Variants in RHPN2 observed in about 807,000 individuals in gnomAD.
RHPN2 encodes the protein rhophilin Rho GTPase binding protein 2, also known as rhophilin-2.
A neutral mutation model predicts 79.0 loss-of-function variants in RHPN2; 40 were observed. The observed-to-expected ratio is 0.51, with a 90% CI of 0.39 to 0.66. The LOEUF (loss-of-function observed/expected upper bound fraction) is 0.66, where lower values mean the gene tolerates loss of function less well. RHPN2 is among the 30% of genes least tolerant of loss of function. RHPN2 has a pLI of 0.00. For missense variants in RHPN2, 686 were observed against 883.5 expected, an observed-to-expected ratio of 0.78 and a Z score of 2.83; for synonymous variants, 285 against 363.5, an observed-to-expected ratio of 0.78 and a Z score of 2.46.
At chr19:32,998,729 G>A in intron 10 of RHPN2, among the ~76,000 whole-genome samples, 1 of 143,190 alleles carries the variant, frequency 7.0e-6, no homozygotes, top group Non-Finnish European at 1.5e-5. Flanking sequence ...AAGAAGGAAA[G>A]AATAAAGGAG....
At chr19:33,044,130 C>T (rs946866182) in intron 2 of RHPN2, 119 bp downstream of exon 2, 12 of 774,292 alleles carry the variant, frequency 1.5e-5, no homozygotes, top group South Asian at 6.8e-5. Flanking sequence ...AAGAAAGGGA[C>T]GACTCCAGAT....
At chr19:32,994,964 C>G (rs999683801) in intron 11 of RHPN2, among the ~76,000 whole-genome samples, 2 of 152,066 alleles carry the variant, frequency 1.3e-5, no homozygotes, top group Non-Finnish European at 2.9e-5. Flanking sequence ...CAAAAACAAA[C>G]AAACAAACAA....
intron 2 of RHPN2, among the ~76,000 whole-genome samples, chr19:33,037,796 C>G (rs921372801): frequency 3.3e-5 from 5 of 152,150 alleles, no homozygotes; most frequent in Non-Finnish European, 7.3e-5. Flanking sequence ...TGTAACACCG[C>G]GAGGGTCCGT....
At chr19:33,001,387 T>G (rs1347900177) in intron 9 of RHPN2, among the ~76,000 whole-genome samples, 1 of 152,086 alleles carries the variant, frequency 6.6e-6, no homozygotes, top group Non-Finnish European at 1.5e-5. Flanking sequence ...AAAAAAATTT[T>G]TTTTAATTAA....
intron 14 of RHPN2, among the ~76,000 whole-genome samples, chr19:32,988,278 C>G (rs1379251392): frequency 1.3e-5 from 2 of 151,922 alleles, no homozygotes; most frequent in Non-Finnish European, 2.9e-5. Context: ...AGAAAAATAA[C>G]CACTACCCAT....
intron 10 of RHPN2, among the ~76,000 whole-genome samples, chr19:32,998,580 G>A (rs1226501496): frequency 2.0e-5 from 3 of 151,948 alleles, no homozygotes; most frequent in South Asian, 4.1e-4. Context: ...CCAGGAGTTC[G>A]AGGCTGCACT....
intron 1 of RHPN2, among the ~76,000 whole-genome samples, chr19:33,064,124 C>T (rs1477100031): frequency 5.3e-5 from 8 of 151,722 alleles, no homozygotes; most frequent in Non-Finnish European, 1.2e-4. Flanking sequence ...CGGGAGGATC[C>T]CTTGAGCCCA....
chr19:33,029,323 G>A (rs28834214), intron 2 of RHPN2, among the ~76,000 whole-genome samples: 3,522 of 151,722 alleles, frequency 0.023, 154 homozygotes, highest in African/African-American at 0.082. Flanking sequence ...TCAGGAGATC[G>A]AGACCATCCT....
intron 2 of RHPN2, among the ~76,000 whole-genome samples, chr19:33,042,944 T>A (rs1366044261): frequency 6.6e-6 from 1 of 151,816 alleles, no homozygotes; most frequent in Admixed American, 6.6e-5. Context: ...CCGGGCACGG[T>A]GGCGGGCACC....
intron 2 of RHPN2, among the ~76,000 whole-genome samples, chr19:33,043,394 G>A (rs111754939): frequency 0.017 from 2,399 of 143,292 alleles, 76 homozygotes; most frequent in African/African-American, 0.058. Flanking sequence ...CTACTAAAAA[G>A]ACAAAAAATT....
At chr19:33,033,144 C>T (rs746099016) in intron 2 of RHPN2, among the ~76,000 whole-genome samples, 9 of 152,150 alleles carry the variant, frequency 5.9e-5, no homozygotes, top group Non-Finnish European at 1.3e-4. Flanking sequence ...TGGCATAGCC[C>T]TTTCCACATC....
intron 11 of RHPN2, among the ~76,000 whole-genome samples, chr19:32,994,397 A>G (rs34461006): frequency 4.2e-4 from 10 of 23,836 alleles, no homozygotes; most frequent in South Asian, 5.0e-3. Flanking sequence ...CTCCGGGGGG[A>G]AAAAAAAAGT....
intron 2 of RHPN2, among the ~76,000 whole-genome samples, chr19:33,043,169 G>C (rs1031278840): frequency 6.6e-6 from 1 of 151,884 alleles, no homozygotes; most frequent in African/African-American, 2.4e-5. Context: ...GAAGAGCCCA[G>C]GAGGTTGGGG....
intron 2 of RHPN2, 35 bp downstream of exon 2, chr19:33,044,214 A>T (rs1382730808): frequency 1.4e-6 from 2 of 1,475,658 alleles, no homozygotes; most frequent in African/African-American, 2.8e-5. Context: ...GATGACTAGG[A>T]CTCAGGAGAG....
At chr19:33,064,128 G>A (rs113984415) in intron 1 of RHPN2, among the ~76,000 whole-genome samples, 9,843 of 152,252 alleles carry the variant, frequency 0.065, 1,144 homozygotes, top group African/African-American at 0.23. Flanking sequence ...AGGATCCCTT[G>A]AGCCCAAGAG....
intron 3 of RHPN2, among the ~76,000 whole-genome samples, chr19:33,021,953 A>T (rs1190012540): frequency 1.3e-5 from 2 of 149,150 alleles, no homozygotes; most frequent in Non-Finnish European, 3.0e-5. Flanking sequence ...TTTTATTATT[A>T]TTTTTTTTAG....
At chr19:33,016,868 G>A (rs1346122670) in intron 4 of RHPN2, among the ~76,000 whole-genome samples, 7 of 152,182 alleles carry the variant, frequency 4.6e-5, no homozygotes, top group South Asian at 2.1e-4. Flanking sequence ...CAGAAAGTCC[G>A]TCAAACGTTC....
At chr19:33,032,395 C>A (rs1198443961) in intron 2 of RHPN2, among the ~76,000 whole-genome samples, 4 of 152,084 alleles carry the variant, frequency 2.6e-5, no homozygotes, top group Non-Finnish European at 5.9e-5. Context: ...CGATCTCCAG[C>A]CTCTCTCCCT....
chr19:33,029,066 G>A (rs1042080274), intron 2 of RHPN2, among the ~76,000 whole-genome samples: 3 of 151,984 alleles, frequency 2.0e-5, no homozygotes, highest in Non-Finnish European at 4.4e-5. Context: ...CTTGAACCCG[G>A]AAGGCAGAGG....
Sources: allele counts gnomAD v4.1 joint callset (sites outside exome capture counted in the v4.1 genomes callset), GRCh38; gene constraint gnomAD v4.1.1; transcripts MANE v1.5; gene names NCBI Gene and HGNC (gene_info 2026-07-23, HGNC 2026-07-21).